KLHL4: variants seen among roughly 807,000 people sequenced by gnomAD.
The protein encoded by KLHL4 is kelch like family member 4.
KLHL4 carries 17 observed loss-of-function variants against 45.8 expected under a neutral mutation model. The ratio of observed to expected loss-of-function variants is 0.37; its 90% CI spans 0.25 to 0.56. The LOEUF is 0.56. Ranked by LOEUF, KLHL4 falls within the 20% of genes least tolerant of loss-of-function variation. The pLI is 0.79. For missense variants in KLHL4, 544 were observed against 544.9 expected (o/e 1.00, Z 0.02); for synonymous variants, 224 against 189.9 (o/e 1.18, Z -1.47).
chrX:87,644,691 T>C (rs1257383387), intron 9 of KLHL4, among the ~76,000 whole-genome samples: 1 of 111,895 alleles, frequency 8.9e-6, no homozygotes, highest in Non-Finnish European at 1.9e-5. Flanking sequence ...ATCATGGTAC[T>C]GGTGTAAAAA....
At chrX:87,588,396 TAC>T (rs1322132914) in intron 1 of KLHL4, among the ~76,000 whole-genome samples, 3 of 111,959 alleles carry the variant, frequency 2.7e-5, no homozygotes, top group Non-Finnish European at 3.8e-5. Flanking sequence ...CTTCAAATTA[TAC>T]TGCAAAGCTA....
chrX:87,664,817 G>A lies in KLHL4; in HGVS notation c.1979G>A (p.Arg660Gln). The change falls in exon 10 of 11, where the codon CGA becomes CAA. Residue 660 changes from arginine (R) to glutamine (Q), a missense_variant. Coordinates refer to ENST00000373119, the MANE Select transcript of KLHL4 (RefSeq NM_019117.5). ...WSTVAPLSVP[R>Q]DAVAVCPLGD... Reference sequence around the variant, plus strand: ...ACTGTGGCACCTCTGAGTGTTCCTCGAGATGCTGTTGCTGTGTGCCCTCTT... The same window carrying A: ...ACTGTGGCACCTCTGAGTGTTCCTCAAGATGCTGTTGCTGTGTGCCCTCTT... The A allele has an allele frequency of 8.3e-7, 1 of 1,204,915 alleles. No individual in the cohort carries two copies. The highest frequency in any genetic ancestry group is 1.1e-6 in the Non-Finnish European group (1 of 890,039).
At chrX:87,553,680 A>G (rs1183976813) in intron 1 of KLHL4, among the ~76,000 whole-genome samples, 2 of 111,569 alleles carry the variant, frequency 1.8e-5, no homozygotes, top group East Asian at 2.8e-4. Context: ...TCCTGAAGAT[A>G]TAATGTTTTA....
intron 1 of KLHL4, among the ~76,000 whole-genome samples, chrX:87,530,203 T>C (rs1166376618): frequency 1.8e-5 from 2 of 111,232 alleles, no homozygotes; most frequent in African/African-American, 3.3e-5. Context: ...TGCCCATGCC[T>C]ATGTCCTGAA....
At chrX:87,526,045 C>G (rs141448074) in intron 1 of KLHL4, among the ~76,000 whole-genome samples, 11 of 111,848 alleles carry the variant, frequency 9.8e-5, no homozygotes, top group African/African-American at 3.6e-4. Flanking sequence ...CCCTGGGTAG[C>G]TTACTAAAGG....
At chrX:87,628,421 C>T in intron 6 of KLHL4, among the ~76,000 whole-genome samples, 1 of 111,502 alleles carries the variant, frequency 9.0e-6, no homozygotes, top group East Asian at 2.8e-4. Flanking sequence ...AAAGAAAAAA[C>T]CTAAGAAGTA....
At chrX:87,569,301 A>G (rs763048570) in intron 1 of KLHL4, among the ~76,000 whole-genome samples, 16 of 111,487 alleles carry the variant, frequency 1.4e-4, no homozygotes, top group South Asian at 3.7e-4. Context: ...CCTACAATTA[A>G]ACCAAAGAGG....
chrX:87,561,139 A>G (rs1230558416), intron 1 of KLHL4, among the ~76,000 whole-genome samples: 3 of 111,513 alleles, frequency 2.7e-5, no homozygotes, highest in African/African-American at 6.5e-5. Context: ...AGAACCTCCA[A>G]TGATGGTCTC....
chrX:87,609,628 T>TTTTTTTC (rs953347538), intron 1 of KLHL4, among the ~76,000 whole-genome samples: 4 of 111,638 alleles, frequency 3.6e-5, no homozygotes, highest in African/African-American at 1.3e-4. Context: ...TTCTTGTAAA[T>TTTTTTTC]TTGTTTGAGT....
intron 1 of KLHL4, among the ~76,000 whole-genome samples, chrX:87,531,782 C>G (rs202136661): frequency 0.15 from 13,574 of 88,300 alleles, 1,523 homozygotes; most frequent in East Asian, 0.38. Flanking sequence ...CAAGGGATGT[C>G]AAGGACCTCT....
intron 1 of KLHL4, among the ~76,000 whole-genome samples, chrX:87,524,169 C>T (rs917200759): frequency 1.4e-4 from 15 of 110,210 alleles, no homozygotes; most frequent in Non-Finnish European, 2.8e-4. Context: ...TGTAAATTTA[C>T]ACCATTAGCG....
At chrX:87,540,024 A>G (rs1287069275) in intron 1 of KLHL4, among the ~76,000 whole-genome samples, 1 of 111,814 alleles carries the variant, frequency 8.9e-6, no homozygotes, top group Non-Finnish European at 1.9e-5. Context: ...TATTGTAGGC[A>G]GTTGTAGCAC....
intron 9 of KLHL4, among the ~76,000 whole-genome samples, chrX:87,649,667 C>A (rs1276459438): frequency 1.8e-5 from 2 of 111,533 alleles, no homozygotes; most frequent in Non-Finnish European, 3.8e-5. Context: ...ACCTTCAGGC[C>A]TTTGACCCAT....
intron 9 of KLHL4, among the ~76,000 whole-genome samples, chrX:87,650,354 T>C (rs938904994): frequency 1.8e-5 from 2 of 111,891 alleles, no homozygotes; most frequent in Admixed American, 9.5e-5. Flanking sequence ...CACCTCAGCC[T>C]CCCAAAGTGC....
intron 1 of KLHL4, among the ~76,000 whole-genome samples, chrX:87,599,356 T>C (rs1381096979): frequency 1.8e-5 from 2 of 111,731 alleles, no homozygotes; most frequent in African/African-American, 6.5e-5. Flanking sequence ...ATAAAACATT[T>C]CTTAGATGCG....
At chrX:87,653,332 C>T (rs764290009) in intron 9 of KLHL4, among the ~76,000 whole-genome samples, 4 of 111,796 alleles carry the variant, frequency 3.6e-5, no homozygotes, top group Non-Finnish European at 5.6e-5. Context: ...GCTTTGTCAA[C>T]ACTTCTCAAA....
chrX:87,602,362 A>T (rs1294700419), intron 1 of KLHL4, among the ~76,000 whole-genome samples: 1 of 111,565 alleles, frequency 9.0e-6, no homozygotes. Flanking sequence ...CACAACACTG[A>T]CTCACTCATT....
At chrX:87,629,634 A>G (rs1166619178) in intron 6 of KLHL4, among the ~76,000 whole-genome samples, 1 of 111,253 alleles carries the variant, frequency 9.0e-6, no homozygotes, top group African/African-American at 3.3e-5. Flanking sequence ...ATGAGTGCAG[A>G]CTAGCTTTTA....
intron 9 of KLHL4, among the ~76,000 whole-genome samples, chrX:87,659,726 G>T (rs1447562254): frequency 9.0e-6 from 1 of 111,205 alleles, no homozygotes; most frequent in Non-Finnish European, 1.9e-5. Flanking sequence ...TTTTAAAATT[G>T]ACTTTGTTTT....
Sources: gnomAD v4.1 joint callset for allele counts (sites outside exome capture counted in the v4.1 genomes callset) on GRCh38, gnomAD v4.1.1 for gene constraint, MANE v1.5 for transcripts, NCBI Gene and HGNC (gene_info 2026-07-23, HGNC 2026-07-21) for gene names.